The following GUCY1A2 variants were observed in gnomAD, a reference collection of about 807,000 sequenced individuals.
GUCY1A2 encodes guanylate cyclase 1 soluble subunit alpha 2, also known as guanylate cyclase soluble subunit alpha-2.
Under a neutral mutation model 63.5 loss-of-function variants are expected in GUCY1A2, and 27 were observed. That is an observed-to-expected ratio of 0.43 (90% CI 0.31 to 0.59). GUCY1A2 has a LOEUF of 0.59. Among genes scored for constraint, GUCY1A2 ranks in the 20% least tolerant of loss-of-function variants. The pLI is 0.11. For synonymous variants in GUCY1A2, 364 were observed against 343.5 expected (o/e 1.06, Z -0.66); for missense variants, 768 against 913.3 (o/e 0.84, Z 2.05).
At position 106,764,970 on chromosome 11, in the gene GUCY1A2, T is replaced by TGGGG. The variant is rs34675895; in HGVS notation, c.1836+11465_1836+11468dup. Among the ~76,000 whole-genome samples the TGGGG allele has an allele frequency of 3.3e-3, 309 of 92,390 alleles. 1 individual carries two copies. Among genetic ancestry groups the TGGGG allele is most frequent in the East Asian group, 0.013 (35 of 2,730 alleles). 60.6% of individuals were successfully genotyped at this position (92,390 alleles called of 152,430 possible). On this transcript the variant is annotated intron_variant, in intron 6 of 7. Transcript: ENST00000526355. ...ACGAAACTTACTTTGCAGATTTTTT[T>TGGGG]GGGGGGGGGTTGGGGGGCAGGAATA...
chr11:106,796,688 A>C (rs895644864), intron 5 of GUCY1A2, among the ~76,000 whole-genome samples: 1 of 151,980 alleles, frequency 6.6e-6, no homozygotes, highest in African/African-American at 2.4e-5. Context: ...CCCGACCTTT[A>C]TCTCTGGCTG....
chr11:106,858,708 A>G (rs1442087032), intron 4 of GUCY1A2, among the ~76,000 whole-genome samples: 4 of 152,098 alleles, frequency 2.6e-5, no homozygotes, highest in South Asian at 2.1e-4. Flanking sequence ...TCCTTTGACA[A>G]CCTTTGTTGG....
chr11:106,921,466 ACT>A (rs1478449220), intron 4 of GUCY1A2, among the ~76,000 whole-genome samples: 2 of 152,066 alleles, frequency 1.3e-5, no homozygotes, highest in African/African-American at 4.8e-5. Context: ...AAAAACTGCT[ACT>A]CTTTTACTAA....
At chr11:106,951,948 T>C (rs937935890) in intron 3 of GUCY1A2, among the ~76,000 whole-genome samples, 3 of 152,266 alleles carry the variant, frequency 2.0e-5, no homozygotes, top group African/African-American at 7.2e-5. Flanking sequence ...TTTACTTTTC[T>C]GCATATGGCT....
chr11:106,764,552 T>C (rs971836051), intron 6 of GUCY1A2, among the ~76,000 whole-genome samples: 1 of 152,078 alleles, frequency 6.6e-6, no homozygotes, highest in Non-Finnish European at 1.5e-5. Context: ...ATTATGTATA[T>C]ACAGTACAGG....
At chr11:106,747,017 T>C (rs1361059949) in intron 6 of GUCY1A2, among the ~76,000 whole-genome samples, 3 of 152,328 alleles carry the variant, frequency 2.0e-5, no homozygotes, top group Non-Finnish European at 2.9e-5. Context: ...AGATGGAGTC[T>C]CGCTCTGTCG....
At chr11:106,992,325 C>CTTTTTTTT (rs11297661) in intron 1 of GUCY1A2, among the ~76,000 whole-genome samples, 1 of 113,756 alleles carries the variant, frequency 8.8e-6, no homozygotes, top group Non-Finnish European at 1.8e-5. Context: ...AAGAATATGT[C>CTTTTTTTT]TTTTTTTTTT....
chr11:106,876,053 G>A (rs1422149840), intron 4 of GUCY1A2, among the ~76,000 whole-genome samples: 1 of 151,936 alleles, frequency 6.6e-6, no homozygotes, highest in East Asian at 1.9e-4. Context: ...CAGTTAAGAT[G>A]TACTTAAAGT....
intron 1 of GUCY1A2, among the ~76,000 whole-genome samples, chr11:107,012,185 C>G (rs1861755354): frequency 6.6e-6 from 1 of 150,524 alleles, no homozygotes; most frequent in African/African-American, 2.4e-5. Flanking sequence ...ACCCAGGGGC[C>G]AAAAAGGGAC....
chr11:106,700,087 T>G (rs2135342860), intron 7 of GUCY1A2, among the ~76,000 whole-genome samples: 1 of 152,218 alleles, frequency 6.6e-6, no homozygotes, highest in East Asian at 1.9e-4. Context: ...CTTCATTTCA[T>G]ATCTATGAAA....
intron 5 of GUCY1A2, among the ~76,000 whole-genome samples, chr11:106,777,246 C>G (rs192574229): frequency 6.6e-6 from 1 of 151,950 alleles, no homozygotes; most frequent in Non-Finnish European, 1.5e-5. Context: ...GTCAGCATAT[C>G]GAGACCATCC....
At chr11:106,755,021 T>C (rs1458387822) in intron 6 of GUCY1A2, among the ~76,000 whole-genome samples, 1 of 152,150 alleles carries the variant, frequency 6.6e-6, no homozygotes, top group Non-Finnish European at 1.5e-5. Flanking sequence ...TTGCCTCAAT[T>C]TGAGAAACTG....
At chr11:106,794,263 T>A (rs1864714647) in intron 5 of GUCY1A2, among the ~76,000 whole-genome samples, 1 of 152,126 alleles carries the variant, frequency 6.6e-6, no homozygotes, top group Non-Finnish European at 1.5e-5. Context: ...TACTATATGA[T>A]CTCACTTATG....
chr11:106,731,300 A>C (rs1470243200), intron 6 of GUCY1A2, among the ~76,000 whole-genome samples: 1 of 152,190 alleles, frequency 6.6e-6, no homozygotes, highest in African/African-American at 2.4e-5. Flanking sequence ...TGGTTAACTC[A>C]AAAGATGCAG....
intron 5 of GUCY1A2, among the ~76,000 whole-genome samples, chr11:106,807,723 C>G (rs1447491627): frequency 1.3e-5 from 2 of 152,138 alleles, no homozygotes; most frequent in African/African-American, 4.8e-5. Context: ...GAGGCAGACC[C>G]ACCTTCAATC....
Position 106,940,051 on chromosome 11 carries a change from A to G in GUCY1A2, c.615T>C (p.Ala205=). 3 of 1,613,920 alleles carry G rather than the reference A, an allele frequency of 1.9e-6. No homozygotes were observed. The highest frequency in any genetic ancestry group is 2.5e-6 in the Non-Finnish European group (3 of 1,179,818). ...AAGAAGTTCTAATGTGTTCCAACAA[A>G]GCATCAAAGCCGTTAAAAAAGTCCT... The part of the protein sequence containing the change: ...TLQDFFNGFD[A]LLEHIRTSFG... Residue 205 remains alanine (A), a synonymous_variant, in exon 4 of 8, where the codon GCT becomes GCC. Coordinates refer to ENST00000526355, the MANE Select transcript of GUCY1A2 (RefSeq NM_000855.3).
At chr11:106,754,324 C>T (rs575127527) in intron 6 of GUCY1A2, among the ~76,000 whole-genome samples, 44 of 152,210 alleles carry the variant, frequency 2.9e-4, no homozygotes, top group African/African-American at 8.4e-4. Flanking sequence ...GACTTCCTCT[C>T]TTCCTAACTG....
chr11:106,851,184 GT>G (rs35831765), intron 4 of GUCY1A2, among the ~76,000 whole-genome samples: 36 of 150,020 alleles, frequency 2.4e-4, no homozygotes, highest in East Asian at 7.8e-4. Context: ...TTTTAAATGG[GT>G]TTTTTTTTGT....
intron 4 of GUCY1A2, among the ~76,000 whole-genome samples, chr11:106,889,410 T>C (rs757207247): frequency 2.0e-5 from 3 of 152,052 alleles, no homozygotes; most frequent in South Asian, 2.1e-4. Context: ...GAAGAGACCA[T>C]AGAGAATCCT....
Sources: gnomAD v4.1 joint callset for allele counts (sites outside exome capture counted in the v4.1 genomes callset) on GRCh38, gnomAD v4.1.1 for gene constraint, MANE v1.5 for transcripts, NCBI Gene and HGNC (gene_info 2026-07-23, HGNC 2026-07-21) for gene names.